TENM2: variants seen among roughly 807,000 people sequenced by gnomAD.
TENM2 encodes teneurin-2.
Under a neutral mutation model 245.2 loss-of-function variants are expected in TENM2, and 52 were observed. The ratio of observed to expected loss-of-function variants is 0.21; its 90% CI spans 0.17 to 0.27. TENM2 has a LOEUF of 0.27. Ranked by LOEUF, TENM2 falls within the 10% of genes least tolerant of loss-of-function variation. TENM2 has a pLI of 1.00. For synonymous variants in TENM2, 1,363 were observed against 1,438.9 expected (o/e 0.95, Z 1.19); for missense variants, 3,046 against 3,666.8 (o/e 0.83, Z 4.37).
chr5:167,062,792 G>T, the TENM2 span, among the ~76,000 whole-genome samples: 1 of 152,110 alleles, frequency 6.6e-6, no homozygotes, highest in Non-Finnish European at 1.5e-5. Context: ...AGTGACTATG[G>T]GGCTTGGGAC....
the TENM2 span, among the ~76,000 whole-genome samples, chr5:167,027,039 C>T: frequency 6.6e-6 from 1 of 151,988 alleles, no homozygotes; most frequent in African/African-American, 2.4e-5. Flanking sequence ...GAGTAAGACC[C>T]CAGAATAGGA....
the TENM2 span, among the ~76,000 whole-genome samples, chr5:167,019,305 C>T: frequency 1.3e-5 from 2 of 152,066 alleles, no homozygotes; most frequent in Admixed American, 6.5e-5. Flanking sequence ...CAAAAAAGAA[C>T]ATGATTGGCA....
chr5:167,640,860 C>CATATATATATATATATATATATAT (rs58985992), intron 2 of TENM2, among the ~76,000 whole-genome samples: 13 of 47,410 alleles, frequency 2.7e-4, no homozygotes, highest in Non-Finnish European at 4.5e-4. Context: ...TATATATATC[C>CATATATATATATATATATATATAT]ATATATATAT....
At chr5:167,244,889 T>C in the TENM2 span, among the ~76,000 whole-genome samples, 1 of 152,060 alleles carries the variant, frequency 6.6e-6, no homozygotes, top group Non-Finnish European at 1.5e-5. Flanking sequence ...TCAAGGAGTT[T>C]TATGAGAGCA....
chr5:168,089,891 C>G (rs1792775469), intron 7 of TENM2, among the ~76,000 whole-genome samples: 1 of 152,068 alleles, frequency 6.6e-6, no homozygotes, highest in African/African-American at 2.4e-5. Context: ...TCACAACAAC[C>G]CCATAACATA....
At chr5:167,562,218 G>A (rs374000862) in intron 2 of TENM2, among the ~76,000 whole-genome samples, 18 of 152,218 alleles carry the variant, frequency 1.2e-4, no homozygotes, top group Non-Finnish European at 2.2e-4. Context: ...GGCAATTTTC[G>A]TTTTTAGGAA....
At chr5:167,144,205 G>A in the TENM2 span, among the ~76,000 whole-genome samples, 2 of 152,056 alleles carry the variant, frequency 1.3e-5, no homozygotes, top group African/African-American at 2.4e-5. Context: ...TGGTGGGAGC[G>A]GTTCGCATTT....
At chr5:167,862,781 C>A (rs149176234) in intron 2 of TENM2, among the ~76,000 whole-genome samples, 3 of 152,168 alleles carry the variant, frequency 2.0e-5, no homozygotes, top group African/African-American at 7.2e-5. Context: ...AGATGCAATT[C>A]GGGTTGTGAA....
intron 3 of TENM2, among the ~76,000 whole-genome samples, chr5:167,883,828 A>G (rs1325088116): frequency 6.6e-6 from 1 of 152,238 alleles, no homozygotes; most frequent in Non-Finnish European, 1.5e-5. Flanking sequence ...AGTAATTTTT[A>G]AAAGTGTCCC....
upstream of TENM2, chr5:167,284,667 G>T (rs1771234536): frequency 3.3e-6 from 2 of 607,214 alleles, no homozygotes; most frequent in African/African-American, 1.8e-5. Flanking sequence ...GACCAAGGCT[G>T]CATGTTCATG....
the TENM2 span, among the ~76,000 whole-genome samples, chr5:167,077,489 A>G: frequency 1.3e-5 from 2 of 152,246 alleles, no homozygotes; most frequent in Non-Finnish European, 2.9e-5. Context: ...CTGTTACTCC[A>G]GATCCTAATC....
intron 9 of TENM2, among the ~76,000 whole-genome samples, chr5:168,111,781 T>C (rs1562172201): frequency 2.0e-5 from 3 of 152,182 alleles, no homozygotes. Flanking sequence ...CCTTATTTTT[T>C]TCCCCGATCA....
chr5:167,413,812 C>T (rs1763029570), intron 2 of TENM2, among the ~76,000 whole-genome samples: 1 of 152,096 alleles, frequency 6.6e-6, no homozygotes. Flanking sequence ...AAATAAGAAT[C>T]ACATTGATCT....
intron 2 of TENM2, among the ~76,000 whole-genome samples, chr5:167,869,214 A>G (rs1772596692): frequency 6.6e-6 from 1 of 152,224 alleles, no homozygotes; most frequent in South Asian, 2.1e-4. Context: ...AGGAAGAAAT[A>G]AACATTTGTA....
chr5:167,312,369 C>T (rs911580281), intron 1 of TENM2, among the ~76,000 whole-genome samples: 3 of 152,144 alleles, frequency 2.0e-5, no homozygotes, highest in Admixed American at 2.0e-4. Flanking sequence ...CTGGTCTGGT[C>T]TACTGTTAGT....
intron 2 of TENM2, among the ~76,000 whole-genome samples, chr5:167,609,519 C>CAAAAAATT (rs1171421408): frequency 7.8e-6 from 1 of 128,952 alleles, no homozygotes; most frequent in African/African-American, 3.1e-5. Context: ...AAAACAAAAC[C>CAAAAAATT]TTACCTAGAA....
the TENM2 span, among the ~76,000 whole-genome samples, chr5:167,245,102 G>T: frequency 6.6e-6 from 1 of 152,108 alleles, no homozygotes. Flanking sequence ...GGTTTCCATG[G>T]TTTCTTCCCC....
At position 167,819,585 on chromosome 5, in the gene TENM2, C is replaced by A. The variant is rs576711886; in HGVS notation, c.503-56401C>A. 3.9e-5 allele frequency among the ~76,000 whole-genome samples: 6 copies of A among 152,256 alleles called. No homozygotes were observed. The South Asian group carries it at 8.3e-4, about 21-fold the overall frequency. The stretch of plus-strand genomic sequence containing the variant: ...CAAGCAGGGACTCTCTAGCTAGACA[C>A]TGGGGGAATTTCATAGCCTTCTGAT... On this transcript the variant is annotated intron_variant, in intron 2 of 28. Coordinates refer to ENST00000518659, the Ensembl canonical transcript of TENM2.
At chr5:167,498,734 A>G (rs549278742) in intron 2 of TENM2, among the ~76,000 whole-genome samples, 12 of 152,094 alleles carry the variant, frequency 7.9e-5, no homozygotes, top group Non-Finnish European at 1.8e-4. Flanking sequence ...AACATGAATT[A>G]AGAAAAAAAA....
Sources: allele counts gnomAD v4.1 joint callset (sites outside exome capture counted in the v4.1 genomes callset), GRCh38; gene constraint gnomAD v4.1.1; transcripts MANE v1.5; gene names NCBI Gene and HGNC (gene_info 2026-07-23, HGNC 2026-07-21).